Variants in EYS observed in about 807,000 individuals in gnomAD.
EYS encodes EGF-like photoreceptor maintenance factor, also known as protein eyes shut homolog.
A neutral mutation model predicts 282.1 loss-of-function variants in EYS; 250 were observed. The ratio of observed to expected loss-of-function variants is 0.89; its 90% CI spans 0.80 to 0.98. The LOEUF is 0.98. EYS is among the 50% of genes least tolerant of loss of function. The probability of loss-of-function intolerance (pLI) is 0.00; values close to 1 mark genes in which losing one functional copy is unlikely to be tolerated. For missense variants in EYS, 4,016 were observed against 3,709.0 expected (o/e 1.08, Z -2.15); for synonymous variants, 1,355 against 1,282.9 (o/e 1.06, Z -1.20).
rs114143990 is a variant in EYS, at chr6:65,536,566, G to A, written c.-332-40573C>T. The stretch of plus-strand genomic sequence containing the variant: ...GGTTTGCAGAGCCTTCAAACTTCTG[G>A]TTTTAATGCTATAGTGCACTAGCTA... On this transcript the variant is annotated intron_variant, in intron 2 of 42. Coordinates refer to ENST00000503581, the MANE Select transcript of EYS (RefSeq NM_001142800.2). 2.1e-3 allele frequency among the ~76,000 whole-genome samples: 317 copies of A among 152,180 alleles called. 2 individuals are homozygous for A. The highest frequency in any genetic ancestry group is 7.4e-3 in the African/African-American group (308 of 41,540).
intron 35 of EYS, among the ~76,000 whole-genome samples, chr6:63,971,819 C>A (rs948753015): frequency 6.6e-6 from 1 of 152,122 alleles, no homozygotes; most frequent in Non-Finnish European, 1.5e-5. Context: ...TGTTGCATTT[C>A]AATTGTATTT....
At chr6:63,803,922 T>C (rs970476233) in intron 37 of EYS, among the ~76,000 whole-genome samples, 1 of 152,158 alleles carries the variant, frequency 6.6e-6, no homozygotes, top group African/African-American at 2.4e-5. Flanking sequence ...ATAACTTGGA[T>C]GGGGTGGGAC....
intron 15 of EYS, among the ~76,000 whole-genome samples, chr6:64,920,721 C>T (rs1028192425): frequency 6.6e-6 from 1 of 152,062 alleles, no homozygotes; most frequent in African/African-American, 2.4e-5. Flanking sequence ...CTTTCAAATA[C>T]AGTTTAAAAT....
At chr6:65,161,552 A>T (rs1373555593) in intron 12 of EYS, among the ~76,000 whole-genome samples, 1 of 151,164 alleles carries the variant, frequency 6.6e-6, no homozygotes, top group African/African-American at 2.4e-5. Flanking sequence ...AACATACAGT[A>T]AGAAAATTTC....
At chr6:64,549,831 A>G (rs1765011062) in intron 26 of EYS, among the ~76,000 whole-genome samples, 1 of 150,196 alleles carries the variant, frequency 6.7e-6, no homozygotes, top group Non-Finnish European at 1.5e-5. Context: ...GGTGTGCTGC[A>G]CCCATTAACT....
intron 36 of EYS, among the ~76,000 whole-genome samples, chr6:63,845,389 AT>A (rs61568416): frequency 0.022 from 3,255 of 145,104 alleles, 51 homozygotes; most frequent in African/African-American, 0.046. Context: ...TGATGCAAGG[AT>A]TTTTTTTTTT....
chr6:65,341,120 G>T (rs140410296), intron 10 of EYS, among the ~76,000 whole-genome samples: 1 of 151,124 alleles, frequency 6.6e-6, no homozygotes, highest in African/African-American at 2.4e-5. Flanking sequence ...AGAGGAAAGC[G>T]TGGGTTCTAT....
chr6:64,170,918 G>C (rs987846850), intron 31 of EYS, among the ~76,000 whole-genome samples: 20 of 151,962 alleles, frequency 1.3e-4, no homozygotes, highest in African/African-American at 4.6e-4. Flanking sequence ...AGGCAGGATA[G>C]GTATGACATA....
intron 40 of EYS, among the ~76,000 whole-genome samples, chr6:63,774,670 T>C: frequency 6.6e-6 from 1 of 152,168 alleles, no homozygotes; most frequent in Non-Finnish European, 1.5e-5. Flanking sequence ...CATTCCACAA[T>C]GTATATATAT....
chr6:65,614,204 T>G (rs1408467438), intron 2 of EYS, among the ~76,000 whole-genome samples: 2 of 151,990 alleles, frequency 1.3e-5, no homozygotes, highest in South Asian at 2.1e-4. Flanking sequence ...ATGAGTGTTT[T>G]TGGAGATATG....
In EYS at chr6:63,884,599, A is replaced by G. The variant is rs536979860; in HGVS notation, c.7056-20241T>C. 2.0e-4 allele frequency among the ~76,000 whole-genome samples: 31 copies of G among 152,230 alleles called. No individual in the cohort carries two copies. In the South Asian group the frequency reaches 6.2e-3, roughly 31 times the overall value. The stretch of plus-strand genomic sequence containing the variant: ...ATCTTGACCAAGTTCGTGCATGGGG[A>G]GCAAAAATACGCACCAATTTTGTAA... On this transcript the variant is annotated intron_variant, in intron 35 of 42. Transcript: ENST00000503581.
At chr6:65,672,950 C>T (rs1026688292) in intron 1 of EYS, among the ~76,000 whole-genome samples, 4 of 151,958 alleles carry the variant, frequency 2.6e-5, no homozygotes, top group Non-Finnish European at 5.9e-5. Context: ...TGCTCTCTGG[C>T]AGCAGGGGCA....
chr6:64,238,817 T>C (rs1401525644), intron 30 of EYS, among the ~76,000 whole-genome samples: 1 of 152,190 alleles, frequency 6.6e-6, no homozygotes, highest in East Asian at 1.9e-4. Flanking sequence ...GTTTGTTACA[T>C]AGGTATATAC....
intron 26 of EYS, among the ~76,000 whole-genome samples, chr6:64,580,676 G>T (rs1053879636): frequency 2.0e-5 from 3 of 152,084 alleles, no homozygotes; most frequent in African/African-American, 4.8e-5. Context: ...ATAGAGGAAA[G>T]AAAATAATAT....
At chr6:65,257,669 T>C (rs1378552377) in intron 12 of EYS, among the ~76,000 whole-genome samples, 4 of 151,920 alleles carry the variant, frequency 2.6e-5, no homozygotes, top group African/African-American at 9.7e-5. Context: ...TTTTGGTTAC[T>C]GTAGCCTTGT....
intron 11 of EYS, among the ~76,000 whole-genome samples, chr6:65,306,628 T>C (rs375054193): frequency 1.4e-5 from 2 of 141,520 alleles, no homozygotes; most frequent in Non-Finnish European, 3.0e-5. Flanking sequence ...AGAGAAATAC[T>C]TGTTTGTGTT....
chr6:64,455,089 G>A (rs967933500), intron 26 of EYS, among the ~76,000 whole-genome samples: 1 of 152,006 alleles, frequency 6.6e-6, no homozygotes, highest in Non-Finnish European at 1.5e-5. Context: ...TTATTTGTGT[G>A]TGTGTGGAGA....
chr6:64,043,506 A>T (rs1770484593), intron 33 of EYS, among the ~76,000 whole-genome samples: 1 of 152,236 alleles, frequency 6.6e-6, no homozygotes, highest in East Asian at 1.9e-4. Context: ...CACATGCACC[A>T]TGTTGGAGCC....
At chr6:65,180,311 G>C (rs947516261) in intron 12 of EYS, among the ~76,000 whole-genome samples, 16 of 151,830 alleles carry the variant, frequency 1.1e-4, no homozygotes, top group African/African-American at 2.9e-4. Flanking sequence ...AAAACCCCAT[G>C]GTCTCAGCCC....
Sources: gnomAD v4.1 joint callset for allele counts (sites outside exome capture counted in the v4.1 genomes callset) on GRCh38, gnomAD v4.1.1 for gene constraint, MANE v1.5 for transcripts, NCBI Gene and HGNC (gene_info 2026-07-23, HGNC 2026-07-21) for gene names.